HTT: variants seen among roughly 807,000 people sequenced by gnomAD.
HTT encodes huntingtin.
Under a neutral mutation model 362.3 loss-of-function variants are expected in HTT, and 104 were observed. The observed-to-expected ratio is 0.29, with a 90% CI of 0.24 to 0.34. The LOEUF (loss-of-function observed/expected upper bound fraction) is 0.34. Among genes scored for constraint, HTT ranks in the 10% least tolerant of loss-of-function variants. HTT has a pLI of 1.00. For missense variants in HTT, 3,301 were observed against 3,928.6 expected (o/e 0.84, Z 4.27); for synonymous variants, 1,577 against 1,548.7 (o/e 1.02, Z -0.43).
At chr4:3,100,832 A>G (rs1560547186) in intron 3 of HTT, among the ~76,000 whole-genome samples, 1 of 152,200 alleles carries the variant, frequency 6.6e-6, no homozygotes, top group Non-Finnish European at 1.5e-5. Flanking sequence ...GGCTCAAGCT[A>G]TCCTCCTGGC....
intron 6 of HTT, chr4:3,112,868 T>G (rs1181944358): frequency 1.2e-5 from 2 of 169,284 alleles, no homozygotes; most frequent in Non-Finnish European, 2.4e-5. Flanking sequence ...TTTGCCACTG[T>G]GTATGGGGAT....
chr4:3,192,258 G>T (rs537247162), intron 40 of HTT, among the ~76,000 whole-genome samples: 46 of 152,134 alleles, frequency 3.0e-4, no homozygotes, highest in South Asian at 1.9e-3. Flanking sequence ...AAATTTTTTT[G>T]TAGAAATGGA....
At chr4:3,142,370 A>G (rs1036971118) in intron 22 of HTT, among the ~76,000 whole-genome samples, 3 of 152,178 alleles carry the variant, frequency 2.0e-5, no homozygotes, top group African/African-American at 7.2e-5. Context: ...TAGAGTTTGT[A>G]TATAACTATA....
chr4:3,199,102 G>A (rs1719405247), intron 40 of HTT, among the ~76,000 whole-genome samples: 1 of 152,240 alleles, frequency 6.6e-6, no homozygotes, highest in Non-Finnish European at 1.5e-5. Context: ...GAGGCGCTGA[G>A]TGTTCCCTGA....
At chr4:3,193,275 T>G (rs1719101631) in intron 40 of HTT, among the ~76,000 whole-genome samples, 1 of 152,290 alleles carries the variant, frequency 6.6e-6, no homozygotes, top group African/African-American at 2.4e-5. Flanking sequence ...CTTGCTATTA[T>G]TGAAATAATT....
intron 39 of HTT, 30 bp from the exon 40 acceptor site, chr4:3,188,921 T>C (rs747222110): frequency 1.9e-6 from 3 of 1,609,304 alleles, no homozygotes; most frequent in Non-Finnish European, 2.6e-6. Flanking sequence ...AGTCACCTAA[T>C]TCACTGTCAT....
intron 50 of HTT, among the ~76,000 whole-genome samples, chr4:3,214,394 C>G (rs1385170207): frequency 6.6e-6 from 1 of 152,150 alleles, no homozygotes; most frequent in African/African-American, 2.4e-5. Flanking sequence ...AAAAATACCT[C>G]TAAACTTTAT....
intron 65 of HTT, 47 bp from the exon 66 acceptor site, chr4:3,238,771 C>T (rs1721664764): frequency 1.7e-6 from 2 of 1,164,030 alleles, no homozygotes; most frequent in African/African-American, 3.2e-5. Flanking sequence ...GCAGGTGCTT[C>T]CCGTCCCCCC....
At chr4:3,172,534 C>G (rs1436252710) in intron 30 of HTT, 137 bp downstream of exon 30, 1 of 722,522 alleles carries the variant, frequency 1.4e-6, no homozygotes, top group Non-Finnish European at 2.5e-6. Context: ...CTTTTTGGCT[C>G]AGTCCATGAT....
At chr4:3,192,461 C>T (rs1719055357) in intron 40 of HTT, among the ~76,000 whole-genome samples, 2 of 152,184 alleles carry the variant, frequency 1.3e-5, no homozygotes, top group African/African-American at 4.8e-5. Context: ...GCTGTGTTCT[C>T]AGCCCCTCAA....
At chr4:3,109,424 C>T (rs756079381) in intron 6 of HTT, among the ~76,000 whole-genome samples, 6 of 152,084 alleles carry the variant, frequency 3.9e-5, no homozygotes, top group Non-Finnish European at 8.8e-5. Context: ...GGGGTTTCTC[C>T]GGGTTGGTCA....
chr4:3,187,603 A>G (rs756870291), intron 38 of HTT, 48 bp from the exon 39 acceptor site: 13 of 1,403,214 alleles, frequency 9.3e-6, no homozygotes, highest in Non-Finnish European at 1.3e-5. Flanking sequence ...GGGAAATTTA[A>G]TCTTCCTTTT....
intron 34 of HTT, among the ~76,000 whole-genome samples, chr4:3,177,881 A>G (rs1024476779): frequency 2.0e-5 from 3 of 152,246 alleles, no homozygotes; most frequent in African/African-American, 7.2e-5. Flanking sequence ...GTAATTAGGA[A>G]AATTTAGTGC....
Position 3,199,721 on chromosome 4 carries a change from T to G in HTT, c.5369-11T>G. On this transcript the variant is annotated splice_polypyrimidine_tract_variant and intron_variant, in intron 40 of 66. Coordinates refer to ENST00000355072, the MANE Select transcript of HTT (RefSeq NM_001388492.1). The stretch of plus-strand genomic sequence containing the variant: ...GAAAGCAAAGACATTTCTCCTTAAC[T>G]TTGTTTCTAGGAATGTTCCGGAGAA... 1 of 1,611,858 alleles carries G rather than the reference T, an allele frequency of 6.2e-7. No homozygotes were observed. Among genetic ancestry groups the G allele is most frequent in the East Asian group, 2.2e-5 (1 of 44,878 alleles).
chr4:3,225,833 C>A, intron 57 of HTT, 90 bp downstream of exon 57: 2 of 826,914 alleles, frequency 2.4e-6, no homozygotes, highest in Non-Finnish European at 3.8e-6. Flanking sequence ...GCTCAGTGCA[C>A]TTTTTAAATG....
chr4:3,074,945 ACCGCCGCCG>A lies in HTT; in HGVS notation c.135_143del (p.Pro47_Pro49del), dbSNP rs772429544. On this transcript the variant is annotated inframe_deletion, in exon 1 of 67. Transcript: ENST00000355072. The stretch of plus-strand genomic sequence containing the variant: ...AGCAGCAGCAGCAGCAACAGCCGCC[ACCGCCGCCG>A]CCGCCGCCGCCGCCTCCTCAGCTTC... The A allele has an allele frequency of 4.8e-4, 587 of 1,215,064 alleles. 1 individual carries two copies. Among genetic ancestry groups the A allele is most frequent in the Middle Eastern group, 8.1e-4 (3 of 3,716 alleles). 75.3% of individuals were successfully genotyped at this position (1,215,064 alleles called of 1,614,324 possible).
chr4:3,138,360 C>T (rs1353447589), intron 21 of HTT, among the ~76,000 whole-genome samples: 3 of 151,916 alleles, frequency 2.0e-5, no homozygotes, highest in African/African-American at 7.3e-5. Context: ...GTACCTTGTA[C>T]CCAATATGTA....
chr4:3,147,033 GA>G, intron 25 of HTT, 85 bp downstream of exon 25: 1 of 1,306,840 alleles, frequency 7.7e-7, no homozygotes. Context: ...CATATGAGGG[GA>G]AAATACTATA....
chr4:3,079,601 T>TC (rs1398191168), intron 1 of HTT, among the ~76,000 whole-genome samples: 1 of 152,152 alleles, frequency 6.6e-6, no homozygotes, highest in Non-Finnish European at 1.5e-5. Context: ...AGAAGTAAGG[T>TC]CCAAGAGGTC....
Sources: allele counts gnomAD v4.1 joint callset (sites outside exome capture counted in the v4.1 genomes callset), GRCh38; gene constraint gnomAD v4.1.1; transcripts MANE v1.5; gene names NCBI Gene and HGNC (gene_info 2026-07-23, HGNC 2026-07-21).